The following GRM8 variants were observed in gnomAD, a reference collection of about 807,000 sequenced individuals.
GRM8 encodes the protein metabotropic glutamate receptor 8.
Under a neutral mutation model 87.2 loss-of-function variants are expected in GRM8, and 47 were observed. The ratio of observed to expected loss-of-function variants is 0.54; its 90% CI spans 0.43 to 0.69. The LOEUF (loss-of-function observed/expected upper bound fraction) is 0.69, where lower values mean the gene tolerates loss of function less well. Among genes scored for constraint, GRM8 ranks in the 30% least tolerant of loss-of-function variants. GRM8 has a pLI of 0.00. For missense variants in GRM8, 1,019 were observed against 1,139.2 expected (o/e 0.89, Z 1.52); for synonymous variants, 396 against 404.5 (o/e 0.98, Z 0.25).
intron 9 of GRM8, among the ~76,000 whole-genome samples, chr7:126,509,028 T>C (rs958849762): frequency 3.9e-5 from 6 of 152,088 alleles, no homozygotes; most frequent in African/African-American, 1.4e-4. Flanking sequence ...TATACTTGGA[T>C]GCAGTCACTT....
intron 6 of GRM8, among the ~76,000 whole-genome samples, chr7:126,800,756 T>C (rs929967148): frequency 3.9e-5 from 6 of 152,104 alleles, no homozygotes; most frequent in African/African-American, 1.2e-4. Flanking sequence ...TAAAAGAAAA[T>C]AGAGCGCTAA....
At chr7:126,773,493 T>C (rs1237915331) in intron 6 of GRM8, among the ~76,000 whole-genome samples, 3 of 152,164 alleles carry the variant, frequency 2.0e-5, no homozygotes, top group Non-Finnish European at 4.4e-5. Context: ...TATCCTAAAA[T>C]GTTCTTGATT....
At chr7:126,940,090 T>G (rs1025581957) in intron 3 of GRM8, among the ~76,000 whole-genome samples, 12 of 152,220 alleles carry the variant, frequency 7.9e-5, no homozygotes, top group Non-Finnish European at 1.0e-4. Flanking sequence ...AAGATGAATC[T>G]GAAACTAAAG....
intron 7 of GRM8, among the ~76,000 whole-genome samples, chr7:126,719,485 T>C (rs994915976): frequency 1.3e-5 from 2 of 152,014 alleles, no homozygotes; most frequent in African/African-American, 4.8e-5. Context: ...CTAAAAGGAG[T>C]CATGAACTAG....
intron 6 of GRM8, among the ~76,000 whole-genome samples, chr7:126,899,079 T>C (rs1175382995): frequency 1.5e-5 from 2 of 133,142 alleles, no homozygotes; most frequent in African/African-American, 5.6e-5. Flanking sequence ...AAACAGCCTA[T>C]TAAAAAGTTA....
At chr7:126,672,050 C>G (rs923090356) in intron 7 of GRM8, among the ~76,000 whole-genome samples, 1 of 152,196 alleles carries the variant, frequency 6.6e-6, no homozygotes, top group Non-Finnish European at 1.5e-5. Flanking sequence ...AGGCATAGCA[C>G]ATGTGAGCAT....
chr7:126,683,828 T>C (rs899454575), intron 7 of GRM8, among the ~76,000 whole-genome samples: 3 of 152,186 alleles, frequency 2.0e-5, no homozygotes, highest in African/African-American at 4.8e-5. Flanking sequence ...TTTTCATCCA[T>C]GAGTGATGAG....
Position 127,243,425 on chromosome 7 carries a change from A to G in GRM8, c.-221T>C. On this transcript the variant is annotated 5_prime_UTR_variant, in exon 2 of 11. Coordinates refer to ENST00000339582, the MANE Select transcript of GRM8 (RefSeq NM_000845.3). ...TCCTTATAAGATCAACTTGCCTGGA[A>G]TGGTGCAAAAATTAGAACATCTGAG... 1.9e-6 allele frequency: 1 copy of G among 540,484 alleles called. No homozygotes were observed. Among genetic ancestry groups the G allele is most frequent in the Non-Finnish European group, 3.2e-6 (1 of 307,938 alleles). 33.5% of individuals were successfully genotyped at this position (540,484 alleles called of 1,614,324 possible).
intron 6 of GRM8, among the ~76,000 whole-genome samples, chr7:126,838,087 C>T (rs1446233995): frequency 6.6e-6 from 1 of 152,196 alleles, no homozygotes; most frequent in African/African-American, 2.4e-5. Context: ...TAAATACTAC[C>T]TGTGCCCTTA....
chr7:126,783,077 G>A (rs1230831171), intron 6 of GRM8, among the ~76,000 whole-genome samples: 1 of 152,108 alleles, frequency 6.6e-6, no homozygotes, highest in Non-Finnish European at 1.5e-5. Context: ...GTCCTCACCA[G>A]GAATCAGTAA....
intron 2 of GRM8, among the ~76,000 whole-genome samples, chr7:127,143,676 A>G (rs564265327): frequency 1.3e-5 from 2 of 152,300 alleles, no homozygotes; most frequent in African/African-American, 4.8e-5. Flanking sequence ...AAGGCCATGT[A>G]GCTCCACAAA....
rs144730367 is a variant in GRM8, at chr7:126,721,225, C to A, written c.1357+48640G>T. Among the ~76,000 whole-genome samples the A allele has an allele frequency of 1.9e-4, 29 of 151,794 alleles. No individual in the cohort carries two copies. The East Asian group carries it at 5.6e-3, about 30-fold the overall frequency. ...AATGGTGATCAAACCCAAAGGCACACAATTTTGGGTCTAATCCTGAATCTA... is the reference window on the plus strand; with the variant it reads ...AATGGTGATCAAACCCAAAGGCACAAAATTTTGGGTCTAATCCTGAATCTA... On this transcript the variant is annotated intron_variant, in intron 7 of 10. Transcript: ENST00000339582.
chr7:126,699,404 A>C (rs1809697246), intron 7 of GRM8, among the ~76,000 whole-genome samples: 1 of 152,206 alleles, frequency 6.6e-6, no homozygotes, highest in Non-Finnish European at 1.5e-5. Flanking sequence ...GTATGTAAGA[A>C]AATTCTCTTG....
intron 9 of GRM8, among the ~76,000 whole-genome samples, chr7:126,483,750 TCCCTCCC>T (rs1563057666): frequency 4.4e-5 from 1 of 22,672 alleles, no homozygotes; most frequent in African/African-American, 1.5e-4. Context: ...TTTCCCTCCC[TCCCTCCC>T]TCCCTCCCTC....
intron 7 of GRM8, among the ~76,000 whole-genome samples, chr7:126,720,050 T>G (rs538898797): frequency 1.4e-4 from 22 of 152,080 alleles, no homozygotes; most frequent in Admixed American, 1.4e-3. Context: ...CCTTTCTTAC[T>G]TGTCACTCCC....
In GRM8 at chr7:126,940,370, T is replaced by C. The variant is rs886753258; in HGVS notation, c.728-35687A>G. 6.4e-4 allele frequency among the ~76,000 whole-genome samples: 97 copies of C among 152,230 alleles called. 1 individual carries two copies. Among genetic ancestry groups the C allele is most frequent in the Non-Finnish European group, 4.8e-4 (33 of 68,046 alleles). ...ACCTAGTTTTCTAAGCTGATTTTTC[T>C]CAGCCATGGAGCCTCTTGCTGAGTG... On this transcript the variant is annotated intron_variant, in intron 3 of 10. Coordinates refer to ENST00000339582, the MANE Select transcript of GRM8 (RefSeq NM_000845.3).
chr7:126,889,199 T>C (rs779879664), intron 6 of GRM8, among the ~76,000 whole-genome samples: 4 of 152,114 alleles, frequency 2.6e-5, no homozygotes, highest in Admixed American at 2.0e-4. Context: ...GGCATAAAGG[T>C]TGCAACCACC....
At chr7:126,463,246 A>G (rs1385827957) in intron 9 of GRM8, among the ~76,000 whole-genome samples, 1 of 151,592 alleles carries the variant, frequency 6.6e-6, no homozygotes, top group East Asian at 1.9e-4. Flanking sequence ...TTGCCATTCA[A>G]CCAGGAACTA....
At chr7:126,563,398 C>G (rs1278393316) in intron 8 of GRM8, among the ~76,000 whole-genome samples, 1 of 151,886 alleles carries the variant, frequency 6.6e-6, no homozygotes, top group African/African-American at 2.4e-5. Context: ...TAGGATTTTT[C>G]CTTTACCTGG....
Sources: gnomAD v4.1 joint callset for allele counts (sites outside exome capture counted in the v4.1 genomes callset) on GRCh38, gnomAD v4.1.1 for gene constraint, MANE v1.5 for transcripts, NCBI Gene and HGNC (gene_info 2026-07-23, HGNC 2026-07-21) for gene names.